ABI2: variants seen among roughly 807,000 people sequenced by gnomAD.
ABI2 encodes the protein abl interactor 2, also known as abelson interactor 2.
ABI2 carries 25 observed loss-of-function variants against 59.2 expected under a neutral mutation model. The ratio of observed to expected loss-of-function variants is 0.42; its 90% CI spans 0.31 to 0.59. The LOEUF is 0.59. Among genes scored for constraint, ABI2 ranks in the 20% least tolerant of loss-of-function variants. The pLI, the probability that ABI2 is intolerant of heterozygous loss-of-function variation, is 0.14. For missense variants in ABI2, 545 were observed against 681.8 expected (o/e 0.80, Z 2.23); for synonymous variants, 213 against 235.5 (o/e 0.90, Z 0.87).
At chr2:203,389,324 G>A (rs187277576) in intron 4 of ABI2, among the ~76,000 whole-genome samples, 31 of 152,190 alleles carry the variant, frequency 2.0e-4, no homozygotes, top group African/African-American at 6.7e-4. Context: ...TTAAAATATT[G>A]ACATTTCAAA....
In ABI2 at chr2:203,372,564, C is replaced by T. The variant is rs539405068; in HGVS notation, c.285+5520C>T. 2.0e-5 allele frequency among the ~76,000 whole-genome samples: 3 copies of T among 149,676 alleles called. No individual in the cohort carries two copies. In the South Asian group the frequency reaches 6.4e-4, roughly 32 times the overall value. On this transcript the variant is annotated intron_variant, in intron 2 of 11. Transcript: ENST00000261018. ...CGGCTGGCCGGGCGGGGGGCTGACC[C>T]CCCCACCTCCCTCCCGGACGGGGCG...
At position 203,380,302 on chromosome 2, in the gene ABI2, C is replaced by T; in HGVS notation, c.380C>T (p.Pro127Leu). 1 of 1,609,204 alleles carries T rather than the reference C, an allele frequency of 6.2e-7. No individual in the cohort carries two copies. Among genetic ancestry groups the T allele is most frequent in the Non-Finnish European group, 8.5e-7 (1 of 1,178,080 alleles). Residue 127 changes from proline (P) to leucine (L), a missense_variant, in exon 3 of 12, where the codon CCA becomes CTA. Transcript: ENST00000261018. ...TCAAGGACACATAAGATTATTGCTCCAGCCAACCTTGAACGACCAGTTCGT... is the reference window on the plus strand; with the variant it reads ...TCAAGGACACATAAGATTATTGCTCTAGCCAACCTTGAACGACCAGTTCGT... Reference protein sequence around the residue: ...NTSRTHKIIAPANLERPVRYI... With the variant: ...NTSRTHKIIALANLERPVRYI...
rs199695236 is a variant in ABI2, at chr2:203,374,405, TAGG to T, written c.286-5800_286-5798del. Among the ~76,000 whole-genome samples, 888 of 147,168 alleles carry T rather than the reference TAGG, an allele frequency of 6.0e-3. 31 individuals are homozygous for T. The highest frequency in any genetic ancestry group is 0.058 in the Admixed American group (828 of 14,288). On this transcript the variant is annotated intron_variant, in intron 2 of 11. Transcript: ENST00000261018. ...ATCCCAGCTACTCTGGAGGCTGAGG[TAGG>T]AGAATTGCTTGAACCTGGGAGCGGA... is the stretch of plus-strand genomic sequence containing the variant.
At chr2:203,390,940 T>G (rs2153346694) in intron 4 of ABI2, 106 bp from the exon 5 acceptor site, 1 of 845,294 alleles carries the variant, frequency 1.2e-6, no homozygotes, top group Non-Finnish European at 1.9e-6. Flanking sequence ...TTTTTTCCCT[T>G]TATTTAAACC....
At chr2:203,426,360 T>A (rs2098424716) in intron 11 of ABI2, among the ~76,000 whole-genome samples, 1 of 152,208 alleles carries the variant, frequency 6.6e-6, no homozygotes, top group South Asian at 2.1e-4. Flanking sequence ...CCAGTATAAC[T>A]AAACTGTTGA....
rs1344605811 is a variant in ABI2 at position 203,431,209 on chromosome 2, G to C, written c.*3857G>C. On this transcript the variant is annotated 3_prime_UTR_variant, in exon 12 of 12. Transcript: ENST00000261018. ...CTAGATGAAATTTTTAAAATTTCTG[G>C]TTGTCTCATTAGACTGATGAGGTGA... 1 of 152,548 alleles carries C rather than the reference G, an allele frequency of 6.6e-6. No homozygotes were observed. The highest frequency in any genetic ancestry group is 1.5e-5 in the Non-Finnish European group (1 of 68,020). 9.4% of individuals were successfully genotyped at this position (152,548 alleles called of 1,614,324 possible).
chr2:203,411,265 C>T lies in ABI2; in HGVS notation c.1193-20C>T. On this transcript the variant is annotated intron_variant, in intron 9 of 11. Coordinates refer to ENST00000261018, the MANE Select transcript of ABI2 (RefSeq NM_001375670.1). ...ACTCGCCCTTATCCCTTATCCTCCA[C>T]ACCTTTTTTGTTTTTGCAGTATCTC... The T allele has an allele frequency of 6.3e-7, 1 of 1,592,358 alleles. No homozygotes were observed. The highest frequency in any genetic ancestry group is 1.1e-5 in the South Asian group (1 of 90,612).
At chr2:203,351,225 T>A (rs1267969741) in intron 1 of ABI2, among the ~76,000 whole-genome samples, 1 of 152,204 alleles carries the variant, frequency 6.6e-6, no homozygotes, top group East Asian at 1.9e-4. Flanking sequence ...ATGCCAGTAC[T>A]TCAGTGTTTT....
chr2:203,390,022 A>G (rs921895494), intron 4 of ABI2, among the ~76,000 whole-genome samples: 3 of 152,206 alleles, frequency 2.0e-5, no homozygotes, highest in Non-Finnish European at 4.4e-5. Context: ...AGTGGGTCCA[A>G]TTCCCATTGG....
intron 5 of ABI2, among the ~76,000 whole-genome samples, chr2:203,392,196 C>T (rs1216081320): frequency 6.6e-6 from 1 of 151,942 alleles, no homozygotes; most frequent in Admixed American, 6.6e-5. Flanking sequence ...AATGTTTTGA[C>T]AACCATTGGC....
chr2:203,341,096 G>A (rs1389018158), intron 1 of ABI2, among the ~76,000 whole-genome samples: 1 of 152,150 alleles, frequency 6.6e-6, no homozygotes, highest in Non-Finnish European at 1.5e-5. Context: ...AGCTTTTGCT[G>A]ATACATCACG....
chr2:203,401,035 G>T (rs1448657639), intron 8 of ABI2, among the ~76,000 whole-genome samples: 2 of 152,004 alleles, frequency 1.3e-5, no homozygotes, highest in Non-Finnish European at 2.9e-5. Flanking sequence ...AAAATTTCAG[G>T]ATAACCTTAG....
chr2:203,369,937 CA>C (rs2094953343), intron 2 of ABI2, among the ~76,000 whole-genome samples: 3 of 151,482 alleles, frequency 2.0e-5, no homozygotes, highest in African/African-American at 7.3e-5. Flanking sequence ...CTTGTGTTTA[CA>C]GGTAGAATTC....
chr2:203,373,816 T>TG lies in ABI2; in HGVS notation c.286-6391dup, dbSNP rs1374695827. 4.6e-5 allele frequency among the ~76,000 whole-genome samples: 7 copies of TG among 152,302 alleles called. 1 individual carries two copies. In the East Asian group the frequency reaches 1.3e-3, roughly 29 times the overall value. ...GTAATTCTTCTCAAGAGCTAGGTATTGAAAGGCAGTGGCCTTAAGAACTCA... is the reference window on the plus strand; with the variant it reads ...GTAATTCTTCTCAAGAGCTAGGTATTGGAAAGGCAGTGGCCTTAAGAACTCA... On this transcript the variant is annotated intron_variant, in intron 2 of 11. Transcript: ENST00000261018.
intron 9 of ABI2, among the ~76,000 whole-genome samples, chr2:203,405,636 T>C (rs1239140236): frequency 3.3e-5 from 5 of 151,966 alleles, no homozygotes; most frequent in Admixed American, 6.6e-5. Flanking sequence ...AATGAGAATA[T>C]TTGTTGTGCT....
chr2:203,421,501 C>G (rs192915639), intron 11 of ABI2, among the ~76,000 whole-genome samples: 36 of 152,236 alleles, frequency 2.4e-4, no homozygotes, highest in Non-Finnish European at 4.4e-4. Context: ...AATATGAGCA[C>G]CATTATTTTG....
intron 3 of ABI2, among the ~76,000 whole-genome samples, chr2:203,381,813 C>A (rs2096146989): frequency 6.6e-6 from 1 of 152,154 alleles, no homozygotes; most frequent in East Asian, 1.9e-4. Flanking sequence ...AAAGTAATCC[C>A]ATTTTTTTAA....
chr2:203,424,778 A>G (rs1356295586), intron 11 of ABI2, among the ~76,000 whole-genome samples: 1 of 152,218 alleles, frequency 6.6e-6, no homozygotes, highest in Non-Finnish European at 1.5e-5. Context: ...ATTTTGGCAA[A>G]AGAAAAAGCT....
At position 203,390,183 on chromosome 2, in the gene ABI2, C is replaced by T. The variant is rs200399814; in HGVS notation, c.481-863C>T. Among the ~76,000 whole-genome samples the T allele has an allele frequency of 1.6e-4, 24 of 152,294 alleles. 1 individual carries two copies. The East Asian group carries it at 4.6e-3, about 29-fold the overall frequency. ...CCTCATAAGAAGATACTAACTAAAT[C>T]TGACTTATAAGGCTGGCCCACAATT... On this transcript the variant is annotated intron_variant, in intron 4 of 11. Transcript: ENST00000261018.
Sources: allele counts gnomAD v4.1 joint callset (sites outside exome capture counted in the v4.1 genomes callset), GRCh38; gene constraint gnomAD v4.1.1; transcripts MANE v1.5; gene names NCBI Gene and HGNC (gene_info 2026-07-23, HGNC 2026-07-21).